The following LAMC2 variants were observed in gnomAD, a reference collection of about 807,000 sequenced individuals.
LAMC2 encodes laminin subunit gamma 2, also known as laminin subunit gamma-2.
LAMC2 carries 97 observed loss-of-function variants against 140.2 expected under a neutral mutation model. The ratio of observed to expected loss-of-function variants is 0.69; its 90% confidence interval spans 0.59 to 0.82. The LOEUF is 0.82. LAMC2 is among the 40% of genes least tolerant of loss of function. The probability of loss-of-function intolerance (pLI) is 0.00; values close to 1 mark genes in which losing one functional copy is unlikely to be tolerated. For synonymous variants in LAMC2, 513 were observed against 540.2 expected (o/e 0.95, Z 0.70); for missense variants, 1,402 against 1,476.1 (o/e 0.95, Z 0.82).
the LAMC2 span, among the ~76,000 whole-genome samples, chr1:183,253,996 G>A: frequency 3.3e-5 from 5 of 151,728 alleles, no homozygotes; most frequent in South Asian, 2.1e-4. Flanking sequence ...ATTGATGGAC[G>A]TCTAGGTTGT....
At chr1:183,216,554 T>C (rs1427483291) in intron 3 of LAMC2, among the ~76,000 whole-genome samples, 1 of 152,072 alleles carries the variant, frequency 6.6e-6, no homozygotes, top group Non-Finnish European at 1.5e-5. Context: ...CCTTCCCTTC[T>C]TCAAAGAGCC....
At chr1:183,210,305 C>A (rs1659032770) in intron 2 of LAMC2, among the ~76,000 whole-genome samples, 1 of 152,188 alleles carries the variant, frequency 6.6e-6, no homozygotes, top group African/African-American at 2.4e-5. Flanking sequence ...TCACTCTGGG[C>A]AGGTTCCTTA....
chr1:183,239,463 C>T lies in LAMC2; in HGVS notation c.2969C>T (p.Thr990Ile), dbSNP rs1221569597. Residue 990 changes from threonine (T) to isoleucine (I), a missense_variant, in exon 20 of 23, where the codon ACC becomes ATC. Transcript: ENST00000264144. The stretch of plus-strand genomic sequence containing the variant: ...AAGGTTTCAGATGCCAGTGACAAGA[C>T]CCAGCAAGCAGAAAGAGCCCTGGGG... ...SQKVSDASDK[T>I]QQAERALGSA... is the part of the protein sequence containing the mutation. 3 of 1,614,086 alleles carry T rather than the reference C, an allele frequency of 1.9e-6. No individual in the cohort carries two copies. Among genetic ancestry groups the T allele is most frequent in the Admixed American group, 3.3e-5 (2 of 60,012 alleles).
chr1:183,235,814 T>A (rs1659944753), intron 16 of LAMC2, 84 bp downstream of exon 16: 5 of 1,401,794 alleles, frequency 3.6e-6, no homozygotes, highest in Non-Finnish European at 5.0e-6. Flanking sequence ...AGGGGCACCA[T>A]GCTAGTTGTA....
At chr1:183,252,827 C>A in the LAMC2 span, 1 of 974,566 alleles carries the variant, frequency 1.0e-6, no homozygotes, top group Non-Finnish European at 1.7e-6. Flanking sequence ...CTCCCCAGCA[C>A]CCCATTTGTA....
At chr1:183,194,390 C>A (rs898602096) in intron 1 of LAMC2, among the ~76,000 whole-genome samples, 13 of 152,270 alleles carry the variant, frequency 8.5e-5, no homozygotes, top group Non-Finnish European at 1.9e-4. Context: ...AGCCCACACA[C>A]ATACCTAAAT....
chr1:183,228,415 C>T lies in LAMC2; in HGVS notation c.1510C>T (p.Pro504Ser). ...ELCADGYFGD[P>S]FGEHGPVRPC... is the part of the protein sequence containing the mutation. ...CTGTGCTGATGGCTACTTTGGGGAC[C>T]CCTTTGGTGAACATGGCCCAGTGAG... Residue 504 changes from proline (P) to serine (S), a missense_variant, in exon 11 of 23, where the codon CCC becomes TCC. Transcript: ENST00000264144. The surrounding 1 kb of genome is among the most constrained non-coding windows in gnomAD (Gnocchi z 4.3). 9 of 1,613,996 alleles carry T rather than the reference C, an allele frequency of 5.6e-6. No homozygotes were observed. The highest frequency in any genetic ancestry group is 7.6e-6 in the Non-Finnish European group (9 of 1,180,018).
chr1:183,245,166 T>C (rs983407007), downstream of LAMC2, among the ~76,000 whole-genome samples: 9 of 152,228 alleles, frequency 5.9e-5, no homozygotes, highest in African/African-American at 2.2e-4. Context: ...ATATAGTTAA[T>C]ATTCTTATCT....
rs1384811631 is a variant in LAMC2, at chr1:183,228,698, A to G, written c.1714+79A>G. On this transcript the variant is annotated intron_variant, in intron 11 of 22. Transcript: ENST00000264144. The surrounding 1 kb of genome is among the most constrained non-coding windows in gnomAD (Gnocchi z 4.3). ...CTTGCTTGCCATCTAAGCAGGGACA[A>G]TGGCAGTTCATATCATGATGTTACT... 1.9e-6 allele frequency: 3 copies of G among 1,563,184 alleles called. No individual in the cohort carries two copies. The highest frequency in any genetic ancestry group is 2.6e-6 in the Non-Finnish European group (3 of 1,142,692).
intron 1 of LAMC2, among the ~76,000 whole-genome samples, chr1:183,191,154 C>T (rs1658317756): frequency 6.6e-6 from 1 of 151,966 alleles, no homozygotes; most frequent in South Asian, 2.1e-4. Flanking sequence ...TGAGAAAGTA[C>T]CCTATAATAT....
At chr1:183,240,591 G>A (rs1660107136) in intron 22 of LAMC2, 200 bp downstream of exon 22, 3 of 1,434,286 alleles carry the variant, frequency 2.1e-6, no homozygotes, top group Non-Finnish European at 2.7e-6. Flanking sequence ...TTGCTAAGAT[G>A]GGTCACTGAA....
intron 4 of LAMC2, among the ~76,000 whole-genome samples, chr1:183,220,464 C>T (rs946478137): frequency 3.9e-5 from 6 of 152,054 alleles, no homozygotes; most frequent in African/African-American, 1.5e-4. Context: ...TAAACAGTAG[C>T]TCCAGGACAG....
At chr1:183,226,655 G>T in intron 8 of LAMC2, 43 bp from the exon 9 acceptor site, 1 of 1,517,566 alleles carries the variant, frequency 6.6e-7, no homozygotes, top group South Asian at 1.1e-5. Flanking sequence ...GAGATCTTTA[G>T]ACTGTACCAC....
Position 183,243,562 on chromosome 1 carries a change from T to G in LAMC2, c.*162T>G. The G allele has an allele frequency of 1.2e-6, 1 of 820,350 alleles. No individual in the cohort carries two copies. Among genetic ancestry groups the G allele is most frequent in the Non-Finnish European group, 2.0e-6 (1 of 497,610 alleles). 50.8% of individuals were successfully genotyped at this position (820,350 alleles called of 1,614,324 possible). A position where few individuals can be genotyped will look rare whatever the true frequency, so the allele number is the denominator to read the frequency against. On this transcript the variant is annotated 3_prime_UTR_variant, in exon 23 of 23. Coordinates refer to ENST00000264144, the MANE Select transcript of LAMC2 (RefSeq NM_005562.3). ...ATTCCTGATCCCATGGCCAGGTGGT[T>G]GTCTTATTGCACCATACTCCTTGCT... is the stretch of plus-strand genomic sequence containing the variant.
In LAMC2 at chr1:183,243,328, G is replaced by C; in HGVS notation, c.3510G>C (p.Val1170=). The change falls in exon 23 of 23, where the codon GTG becomes GTC. Residue 1170 remains valine, a synonymous_variant. Transcript: ENST00000264144. ...GCATAGATGGGATTCTGGCTGATGTGAAGAACTTGGAGAACATTAGGGACA... is the reference window on the plus strand; with the variant it reads ...GCATAGATGGGATTCTGGCTGATGTCAAGAACTTGGAGAACATTAGGGACA... ...ETSIDGILAD[V]KNLENIRDNL... is the part of the protein sequence containing the mutation. The C allele has an allele frequency of 6.2e-7, 1 of 1,614,182 alleles. No individual in the cohort carries two copies. Among genetic ancestry groups the C allele is most frequent in the Non-Finnish European group, 8.5e-7 (1 of 1,180,032 alleles).
intron 4 of LAMC2, among the ~76,000 whole-genome samples, chr1:183,219,041 G>GT (rs1659378976): frequency 6.6e-6 from 1 of 152,230 alleles, no homozygotes; most frequent in Non-Finnish European, 1.5e-5. Context: ...ACTGGAGGAG[G>GT]TGGAGCAGTG....
the LAMC2 span, among the ~76,000 whole-genome samples, chr1:183,254,692 C>T: frequency 6.6e-6 from 1 of 152,346 alleles, no homozygotes; most frequent in Admixed American, 6.5e-5. Context: ...CCACCTCAGC[C>T]TCCCAGCGTG....
At chr1:183,223,087 T>A (rs778555356) in intron 6 of LAMC2, 48 bp from the exon 7 acceptor site, 1 of 1,575,964 alleles carries the variant, frequency 6.3e-7, no homozygotes, top group Non-Finnish European at 8.7e-7. Flanking sequence ...TGTGTTTGCC[T>A]CTCCAGTTTC....
chr1:183,251,235 C>T, the LAMC2 span: 6 of 152,246 alleles, frequency 3.9e-5, no homozygotes, highest in African/African-American at 1.4e-4. Context: ...CAGACAGTTC[C>T]TGCAGCTCCC....
Sources: gnomAD v4.1 joint callset for allele counts (sites outside exome capture counted in the v4.1 genomes callset) on GRCh38, gnomAD v4.1.1 for gene constraint, Gnocchi (gnomAD v3.1) non-coding constraint, MANE v1.5 for transcripts, NCBI Gene and HGNC (gene_info 2026-07-23, HGNC 2026-07-21) for gene names.